The following LAMP5 variants were observed in gnomAD, a reference collection of about 807,000 sequenced individuals.
LAMP5 encodes lysosome-associated membrane glycoprotein 5.
LAMP5 carries 36 observed loss-of-function variants against 30.2 expected under a neutral mutation model. The observed-to-expected ratio is 1.19, with a 90% CI of 0.91 to 1.57. The LOEUF (loss-of-function observed/expected upper bound fraction) is 1.57. LAMP5 is among the 40% of genes most tolerant of loss of function. LAMP5 has a pLI of 0.00. For synonymous variants in LAMP5, 149 were observed against 134.6 expected (o/e 1.11, Z -0.74); for missense variants, 377 against 354.9 (o/e 1.06, Z -0.50).
chr20:9,515,935 GC>G (rs1417875840), intron 2 of LAMP5, 64 bp from the exon 3 acceptor site: 37 of 1,426,318 alleles, frequency 2.6e-5, no homozygotes, highest in Non-Finnish European at 3.1e-5. Context: ...TGGACGCGCC[GC>G]CCTTTACAGC....
chr20:9,515,339 G>A (rs2122826762), intron 1 of LAMP5, 114 bp from the exon 2 acceptor site: 1 of 928,916 alleles, frequency 1.1e-6, no homozygotes, highest in Non-Finnish European at 1.6e-6. Flanking sequence ...GCGCACAGCT[G>A]CTGGCAGAGA....
intron 5 of LAMP5, among the ~76,000 whole-genome samples, chr20:9,529,314 TA>T (rs1410274818): frequency 6.6e-6 from 1 of 152,216 alleles, no homozygotes; most frequent in Non-Finnish European, 1.5e-5. Context: ...AATAAAAAGT[TA>T]AAAATGAATC....
intron 5 of LAMP5, among the ~76,000 whole-genome samples, chr20:9,519,120 C>G (rs565901359): frequency 6.6e-6 from 1 of 152,292 alleles, no homozygotes; most frequent in East Asian, 1.9e-4. Context: ...CAACAATTCA[C>G]GTTGGGCAAT....
intron 5 of LAMP5, among the ~76,000 whole-genome samples, chr20:9,528,323 C>CACGT (rs141251074): frequency 4.1e-5 from 6 of 145,630 alleles, no homozygotes; most frequent in African/African-American, 1.6e-4. Context: ...TGTGTGTGTG[C>CACGT]GTGTGTGTGT....
chr20:9,516,871 G>T (rs1182249666), intron 4 of LAMP5, among the ~76,000 whole-genome samples: 1 of 152,120 alleles, frequency 6.6e-6, no homozygotes. Flanking sequence ...CCTGACAGTG[G>T]ATTCTGCACC....
rs766500619 is a variant in LAMP5, at chr20:9,517,972, C to T, written c.476-68C>T. On this transcript the variant is annotated intron_variant, in intron 4 of 5. Coordinates refer to ENST00000246070, the MANE Select transcript of LAMP5 (RefSeq NM_012261.4). ...GGTGTCTGGAACTGAGAGGCAATAGCCAGCTCTCTGGCACATTAGGTTAGG... is the reference window on the plus strand; with the variant it reads ...GGTGTCTGGAACTGAGAGGCAATAGTCAGCTCTCTGGCACATTAGGTTAGG... 3 of 1,445,076 alleles carry T rather than the reference C, an allele frequency of 2.1e-6. No homozygotes were observed. The East Asian group carries it at 6.9e-5, about 33-fold the overall frequency. 89.5% of individuals were successfully genotyped at this position (1,445,076 alleles called of 1,614,324 possible). A position where few individuals can be genotyped will look rare whatever the true frequency, so the allele number is the denominator to read the frequency against.
chr20:9,521,268 A>T (rs971861384), intron 5 of LAMP5, among the ~76,000 whole-genome samples: 1 of 152,124 alleles, frequency 6.6e-6, no homozygotes, highest in Non-Finnish European at 1.5e-5. Flanking sequence ...CAAGGAGTCC[A>T]TGGGTCCCAG....
rs1245452624 is a variant in LAMP5 at position 9,519,152 on chromosome 20, T to A, written c.664+924T>A. Among the ~76,000 whole-genome samples, 3 of 152,238 alleles carry A rather than the reference T, an allele frequency of 2.0e-5. No homozygotes were observed. The East Asian group carries it at 5.8e-4, about 29-fold the overall frequency. On this transcript the variant is annotated intron_variant, in intron 5 of 5. Coordinates refer to ENST00000246070, the MANE Select transcript of LAMP5 (RefSeq NM_012261.4). ...CAATTGTGGGATAAATGAATTCATA[T>A]CATTTATTCTCTCTCCCTCACAAAG... is the stretch of plus-strand genomic sequence containing the variant.
rs1240952071 is a variant in LAMP5, at chr20:9,514,936, C to T, written c.64+20C>T. 2 of 1,611,934 alleles carry T rather than the reference C, an allele frequency of 1.2e-6. No individual in the cohort carries two copies. The highest frequency in any genetic ancestry group is 2.7e-5 in the African/African-American group (2 of 74,880). ...TGTTCCGTGAGTAGCGATTTGGCGACTGGGAGAGAGGACGGGCACTCTTTG... is the reference window on the plus strand; with the variant it reads ...TGTTCCGTGAGTAGCGATTTGGCGATTGGGAGAGAGGACGGGCACTCTTTG... On this transcript the variant is annotated intron_variant, in intron 1 of 5. Transcript: ENST00000246070.
chr20:9,515,564 TGGCA>T lies in LAMP5; in HGVS notation c.178_181del (p.Ala60SerfsTer18). The T allele has an allele frequency of 6.2e-7, 1 of 1,614,208 alleles. No individual in the cohort carries two copies. The highest frequency in any genetic ancestry group is 8.5e-7 in the Non-Finnish European group (1 of 1,180,038). ...CGGGAAAATGGGACGACGTGTCTCA[TGGCA>T]GAGTTTGCAGCCAAATTTATTGTAC... On this transcript the variant is annotated frameshift_variant, in exon 2 of 6. Transcript: ENST00000246070. LOFTEE classifies it high-confidence loss of function.
In LAMP5 at chr20:9,514,905, T is replaced by C. The variant is rs776030154; in HGVS notation, c.53T>C (p.Leu18Pro). 6.2e-6 allele frequency: 10 copies of C among 1,614,130 alleles called. No individual in the cohort carries two copies. The highest frequency in any genetic ancestry group is 1.1e-5 in the South Asian group (1 of 91,080). ...VPSIDRLRVL[L>P]MLFHTMAQIM... Reference sequence around the variant, plus strand: ...AGCATCGACAGACTTCGAGTTCTCCTGATGTTGTTCCGTGAGTAGCGATTT... The same window carrying C: ...AGCATCGACAGACTTCGAGTTCTCCCGATGTTGTTCCGTGAGTAGCGATTT... The change falls in exon 1 of 6, where the codon CTG becomes CCG. Residue 18 changes from leucine (L) to proline (P), a missense_variant. Leu to Pro is a moderately conservative substitution (Grantham distance 98, BLOSUM62 -3). Coordinates refer to ENST00000246070, the MANE Select transcript of LAMP5 (RefSeq NM_012261.4).
intron 1 of LAMP5, 73 bp from the exon 2 acceptor site, chr20:9,515,380 G>A (rs2045028412): frequency 1.4e-6 from 2 of 1,445,256 alleles, no homozygotes; most frequent in Admixed American, 3.8e-5. Flanking sequence ...GCAGAGCACT[G>A]TCTCCCCACC....
intron 4 of LAMP5, among the ~76,000 whole-genome samples, chr20:9,516,756 G>A (rs1271420810): frequency 2.0e-5 from 3 of 152,248 alleles, no homozygotes; most frequent in South Asian, 2.1e-4. Flanking sequence ...AAACTGCAAG[G>A]GGGCAGTGCG....
chr20:9,529,588 A>G (rs925748567), intron 5 of LAMP5, 54 bp from the exon 6 acceptor site: 7 of 1,531,936 alleles, frequency 4.6e-6, no homozygotes, highest in African/African-American at 1.4e-5. Flanking sequence ...TGTAGAACTT[A>G]TGATTCAGGA....
At chr20:9,519,352 G>T (rs1183218057) in intron 5 of LAMP5, among the ~76,000 whole-genome samples, 1 of 152,148 alleles carries the variant, frequency 6.6e-6, no homozygotes, top group Non-Finnish European at 1.5e-5. Flanking sequence ...ATTTTCCAAG[G>T]CATCTAGCTT....
In LAMP5 at chr20:9,518,356, C is replaced by T. The variant is rs879081799; in HGVS notation, c.664+128C>T. On this transcript the variant is annotated intron_variant, in intron 5 of 5. Coordinates refer to ENST00000246070, the MANE Select transcript of LAMP5 (RefSeq NM_012261.4). ...TAGGTTGAAATGACACTGCCTGCCTCTTTAATAATTTTCAAAGACTAAAAA... is the reference window on the plus strand; with the variant it reads ...TAGGTTGAAATGACACTGCCTGCCTTTTTAATAATTTTCAAAGACTAAAAA... 6.8e-6 allele frequency: 5 copies of T among 733,458 alleles called. No homozygotes were observed. The South Asian group carries it at 9.4e-5, about 14-fold the overall frequency. The allele number at this position is 733,458 out of a possible 1,614,324, so 45.4% of individuals were successfully genotyped here. A position where few individuals can be genotyped will look rare whatever the true frequency, so the allele number is the denominator to read the frequency against.
At chr20:9,524,742 C>T (rs937783794) in intron 5 of LAMP5, among the ~76,000 whole-genome samples, 2 of 152,010 alleles carry the variant, frequency 1.3e-5, no homozygotes, top group African/African-American at 4.8e-5. Flanking sequence ...CAGCCCCATG[C>T]AATCAAACAT....
At chr20:9,522,551 G>A (rs1158224854) in intron 5 of LAMP5, among the ~76,000 whole-genome samples, 1 of 152,204 alleles carries the variant, frequency 6.6e-6, no homozygotes, top group East Asian at 1.9e-4. Flanking sequence ...CCAAGATGGA[G>A]CCCCAGCCTT....
At position 9,515,946 on chromosome 20, in the gene LAMP5, C is replaced by T. The variant is rs993801643; in HGVS notation, c.238-54C>T. ...AGTTTGGACGCGCCGCCCTTTACAG[C>T]CCCCGCCCCGGGGCCGGGCGAGCTG... On this transcript the variant is annotated intron_variant, in intron 2 of 5. Transcript: ENST00000246070. 15 of 1,442,756 alleles carry T rather than the reference C, an allele frequency of 1.0e-5. No homozygotes were observed. The Admixed American group carries it at 3.6e-4, about 34-fold the overall frequency. The allele number at this position is 1,442,756 out of a possible 1,614,324, so 89.4% of individuals were successfully genotyped here.
Sources: gnomAD v4.1 joint callset for allele counts (sites outside exome capture counted in the v4.1 genomes callset) on GRCh38, gnomAD v4.1.1 for gene constraint, MANE v1.5 for transcripts, NCBI Gene and HGNC (gene_info 2026-07-23, HGNC 2026-07-21) for gene names.